FOXN3: variants seen among roughly 807,000 people sequenced by gnomAD.
FOXN3 encodes forkhead box protein N3.
FOXN3 carries 7 observed loss-of-function variants against 38.4 expected under a neutral mutation model. That is an observed-to-expected ratio of 0.18 (90% CI 0.10 to 0.34). FOXN3 has a LOEUF of 0.34. Ranked by LOEUF, FOXN3 falls within the 10% of genes least tolerant of loss-of-function variation. The pLI, the probability that FOXN3 is intolerant of heterozygous loss-of-function variation, is 1.00. For synonymous variants in FOXN3, 230 were observed against 242.2 expected, an observed-to-expected ratio of 0.95 and a Z score of 0.47; for missense variants, 456 against 613.4, an observed-to-expected ratio of 0.74 and a Z score of 2.71.
intron 1 of FOXN3, among the ~76,000 whole-genome samples, chr14:89,553,548 G>A (rs973599912): frequency 5.9e-5 from 9 of 152,068 alleles, no homozygotes; most frequent in Non-Finnish European, 1.0e-4. Context: ...CAGGAAGGCA[G>A]AACTTGAGTC....
Position 89,360,327 on chromosome 14 carries a change from GGAAA to G in FOXN3, c.544-9523_544-9520del, listed in dbSNP as rs1297426963. Among the ~76,000 whole-genome samples the G allele has an allele frequency of 1.1e-3, 148 of 134,524 alleles. 1 individual carries two copies. Among genetic ancestry groups the G allele is most frequent in the African/African-American group, 3.9e-3 (147 of 37,278 alleles). The allele number at this position is 134,524 out of a possible 152,430, so 88.3% of individuals were successfully genotyped here. ...GAGAGAGAGAGGGGAAGAAAGAGAA[GGAAA>G]GAAAGAGGGAGAAAGAGAAAGGGAG... On this transcript the variant is annotated intron_variant, in intron 2 of 5. Coordinates refer to ENST00000557258, the MANE Select transcript of FOXN3 (RefSeq NM_005197.4).
At chr14:89,258,904 C>T (rs555075060) in intron 4 of FOXN3, among the ~76,000 whole-genome samples, 27 of 152,338 alleles carry the variant, frequency 1.8e-4, no homozygotes, top group African/African-American at 5.8e-4. Flanking sequence ...TGAGCTTCAC[C>T]TCTCACATCC....
At chr14:89,230,324 ACT>A (rs954179603) in intron 4 of FOXN3, among the ~76,000 whole-genome samples, 6 of 151,718 alleles carry the variant, frequency 4.0e-5, no homozygotes, top group African/African-American at 1.2e-4. Context: ...CTCTTACTTC[ACT>A]CTGTTTCTTT....
intron 5 of FOXN3, among the ~76,000 whole-genome samples, chr14:89,165,790 C>T (rs1887226866): frequency 6.6e-6 from 1 of 152,218 alleles, no homozygotes; most frequent in African/African-American, 2.4e-5. Context: ...GAGGGAACTA[C>T]TGTAAAATAC....
chr14:89,469,806 A>G (rs1292033944), intron 1 of FOXN3, among the ~76,000 whole-genome samples: 2 of 152,220 alleles, frequency 1.3e-5, no homozygotes, highest in African/African-American at 4.8e-5. Context: ...AAGGAGAGAA[A>G]AGGCACCTAA....
intron 3 of FOXN3, among the ~76,000 whole-genome samples, chr14:89,288,064 A>AT (rs1886689023): frequency 1.8e-5 from 1 of 55,644 alleles, no homozygotes; most frequent in African/African-American, 4.3e-5. Flanking sequence ...CTGTCTCAAA[A>AT]AAAAATATAT....
intron 1 of FOXN3, among the ~76,000 whole-genome samples, chr14:89,414,906 G>A (rs1432611990): frequency 6.6e-6 from 1 of 152,138 alleles, no homozygotes. Flanking sequence ...GTACAGACCA[G>A]GCAGGATGCT....
chr14:89,198,684 T>C (rs958077604), intron 4 of FOXN3, among the ~76,000 whole-genome samples: 1 of 152,322 alleles, frequency 6.6e-6, no homozygotes, highest in Middle Eastern at 3.4e-3. Context: ...GCTACTGGCA[T>C]CTAATGGGCT....
At chr14:89,586,300 T>C (rs1406594540) in intron 1 of FOXN3, among the ~76,000 whole-genome samples, 1 of 151,916 alleles carries the variant, frequency 6.6e-6, no homozygotes, top group Non-Finnish European at 1.5e-5. Flanking sequence ...AAGAGAAAGG[T>C]TAATACAAGA....
intron 1 of FOXN3, among the ~76,000 whole-genome samples, chr14:89,594,910 T>C (rs1435872931): frequency 6.6e-6 from 1 of 152,098 alleles, no homozygotes; most frequent in Non-Finnish European, 1.5e-5. Flanking sequence ...GCATTTTGTG[T>C]TTCCACATAA....
chr14:89,604,474 C>T (rs540772185), intron 1 of FOXN3, among the ~76,000 whole-genome samples: 1 of 152,134 alleles, frequency 6.6e-6, no homozygotes, highest in Non-Finnish European at 1.5e-5. Flanking sequence ...AGGGAAAAAA[C>T]TGAGTAAATT....
chr14:89,216,583 T>C (rs1187760797), intron 4 of FOXN3, among the ~76,000 whole-genome samples: 1 of 152,166 alleles, frequency 6.6e-6, no homozygotes, highest in African/African-American at 2.4e-5. Context: ...CCTTCTAAGC[T>C]TCTGTAGGCT....
intron 4 of FOXN3, among the ~76,000 whole-genome samples, chr14:89,227,025 G>A (rs191421125): frequency 2.6e-5 from 4 of 152,296 alleles, no homozygotes; most frequent in East Asian, 3.9e-4. Context: ...ACTTTGTTAC[G>A]GCAGCCCTAG....
chr14:89,492,171 C>G (rs1156464159), intron 1 of FOXN3, among the ~76,000 whole-genome samples: 1 of 152,240 alleles, frequency 6.6e-6, no homozygotes, highest in Non-Finnish European at 1.5e-5. Flanking sequence ...CAAGGTCCTT[C>G]AAACACAATA....
chr14:89,347,984 G>A (rs545606576), intron 3 of FOXN3, among the ~76,000 whole-genome samples: 99 of 152,106 alleles, frequency 6.5e-4, no homozygotes, highest in African/African-American at 2.3e-3. Flanking sequence ...ACAGAGGCAC[G>A]GGTCTACACA....
intron 1 of FOXN3, among the ~76,000 whole-genome samples, chr14:89,551,125 G>A (rs1235608939): frequency 1.3e-5 from 2 of 152,204 alleles, no homozygotes; most frequent in Non-Finnish European, 2.9e-5. Flanking sequence ...TAAGCTTTAA[G>A]ACTCCATTTA....
At chr14:89,308,110 C>A (rs1040929710) in intron 3 of FOXN3, among the ~76,000 whole-genome samples, 1 of 152,098 alleles carries the variant, frequency 6.6e-6, no homozygotes, top group Non-Finnish European at 1.5e-5. Context: ...ACCAAAAATA[C>A]ACAGTTTAGC....
At chr14:89,389,142 T>C (rs1890868119) in intron 2 of FOXN3, among the ~76,000 whole-genome samples, 1 of 152,174 alleles carries the variant, frequency 6.6e-6, no homozygotes, top group Admixed American at 6.5e-5. Context: ...CAGGCCCGTT[T>C]GGGAGGAATT....
chr14:89,455,746 C>G (rs923178458), intron 1 of FOXN3, among the ~76,000 whole-genome samples: 55 of 152,192 alleles, frequency 3.6e-4, no homozygotes, highest in African/African-American at 1.1e-3. Context: ...CCTTTGCAAC[C>G]TGCTCCCAAG....
Sources: gnomAD v4.1 joint callset for allele counts (sites outside exome capture counted in the v4.1 genomes callset) on GRCh38, gnomAD v4.1.1 for gene constraint, MANE v1.5 for transcripts, NCBI Gene and HGNC (gene_info 2026-07-23, HGNC 2026-07-21) for gene names.